The following CELF2 variants were observed in gnomAD, a reference collection of about 807,000 sequenced individuals.
CELF2 encodes the protein CUG triplet repeat RNA-binding protein 2.
A neutral mutation model predicts 62.6 loss-of-function variants in CELF2; 8 were observed. The observed-to-expected ratio is 0.13, with a 90% CI of 0.07 to 0.23. The LOEUF is 0.23. CELF2 is among the 10% of genes least tolerant of loss of function. The pLI, the probability that CELF2 is intolerant of heterozygous loss-of-function variation, is 1.00. For missense variants in CELF2, 333 were observed against 671.0 expected (o/e 0.50, Z 5.56); for synonymous variants, 258 against 250.0 (o/e 1.03, Z -0.30).
At chr10:10,589,182 T>G in the CELF2 span, among the ~76,000 whole-genome samples, 1 of 152,170 alleles carries the variant, frequency 6.6e-6, no homozygotes. Flanking sequence ...ATAAGTAGAT[T>G]CAAAGATTTT....
In CELF2 at chr10:10,828,000, TAAAAAAAA is replaced by T. The variant is rs66721705; in HGVS notation, c.53+29200_53+29207del. Among the ~76,000 whole-genome samples, 58 of 60,716 alleles carry T rather than the reference TAAAAAAAA, an allele frequency of 9.6e-4. No homozygotes were observed. In the East Asian group the frequency reaches 0.027, roughly 28 times the overall value. 39.8% of individuals were successfully genotyped at this position (60,716 alleles called of 152,430 possible). A position where few individuals can be genotyped will look rare whatever the true frequency, so the allele number is the denominator to read the frequency against. On this transcript the variant is annotated intron_variant, in intron 1 of 13. Transcript: ENST00000636488. The stretch of plus-strand genomic sequence containing the variant: ...TCATACCCGTCAGGAAGGCTAGTCT[TAAAAAAAA>T]AAAAAAAAAAAAAAAAGCAGAAAAT...
chr10:11,125,502 C>T (rs1031800746), intron 1 of CELF2, among the ~76,000 whole-genome samples: 1 of 151,844 alleles, frequency 6.6e-6, no homozygotes, highest in Non-Finnish European at 1.5e-5. Flanking sequence ...AGAGCTCAAC[C>T]GTAACAACTA....
Position 10,965,215 on chromosome 10 carries a change from C to T in CELF2, c.89+45216C>T, listed in dbSNP as rs1185840211. Reference sequence around the variant, plus strand: ...GAATATAGCCCTCTCTCTTGAATATCCTATGGTATGGTTTGACAGTAAGTT... The same window carrying T: ...GAATATAGCCCTCTCTCTTGAATATTCTATGGTATGGTTTGACAGTAAGTT... On this transcript the variant is annotated intron_variant, in intron 2 of 13. Coordinates refer to the CELF2 transcript ENST00000636488. 3.9e-5 allele frequency among the ~76,000 whole-genome samples: 6 copies of T among 152,140 alleles called. No individual in the cohort carries two copies. In the East Asian group the frequency reaches 9.6e-4, roughly 24 times the overall value.
At chr10:11,014,985 A>C (rs999478935), upstream of CELF2, among the ~76,000 whole-genome samples, 2 of 152,174 alleles carry the variant, frequency 1.3e-5, no homozygotes, top group African/African-American at 2.4e-5. Context: ...GGGTGGTGTC[A>C]CCAACCGGTT....
chr10:11,281,896 G>A (rs757168408), intron 8 of CELF2, among the ~76,000 whole-genome samples: 13 of 152,278 alleles, frequency 8.5e-5, no homozygotes, highest in Middle Eastern at 3.4e-3. Context: ...GCATTCAGGC[G>A]AGTTGCACAA....
chr10:11,026,806 G>A (rs1442774063), intron 1 of CELF2, among the ~76,000 whole-genome samples: 2 of 152,204 alleles, frequency 1.3e-5, no homozygotes, highest in African/African-American at 4.8e-5. Flanking sequence ...GCCTCGGGAG[G>A]AGAGCAGTAT....
intron 1 of CELF2, among the ~76,000 whole-genome samples, chr10:11,158,880 A>G (rs1057511292): frequency 4.6e-5 from 7 of 152,244 alleles, no homozygotes; most frequent in East Asian, 1.9e-4. Context: ...GTGAATAACA[A>G]TGATGTCCTG....
chr10:11,079,740 A>ACC (rs2073351066), intron 1 of CELF2, among the ~76,000 whole-genome samples: 3 of 78,174 alleles, frequency 3.8e-5, no homozygotes, highest in Non-Finnish European at 4.5e-5. Context: ...GGACTAATAC[A>ACC]GCCCCCCCCC....
intron 9 of CELF2, among the ~76,000 whole-genome samples, chr10:11,299,409 A>G (rs540062330): frequency 2.2e-4 from 34 of 152,226 alleles, no homozygotes; most frequent in African/African-American, 8.2e-4. Flanking sequence ...GCCCAGAGGA[A>G]AATCTGCCTC....
chr10:10,871,626 G>GGGAA (rs1644911785), intron 1 of CELF2, among the ~76,000 whole-genome samples: 2 of 152,020 alleles, frequency 1.3e-5, no homozygotes, highest in South Asian at 4.2e-4. Context: ...AAGAGGAGGA[G>GGGAA]GGAAGGAAGG....
At chr10:10,525,880 T>G in the CELF2 span, among the ~76,000 whole-genome samples, 1 of 152,364 alleles carries the variant, frequency 6.6e-6, no homozygotes, top group Admixed American at 6.5e-5. Flanking sequence ...GCTCTATTTT[T>G]AATTTTTTGA....
At chr10:10,966,339 G>T (rs553433696) in intron 2 of CELF2, among the ~76,000 whole-genome samples, 1 of 152,244 alleles carries the variant, frequency 6.6e-6, no homozygotes. Context: ...GTACAGTGGA[G>T]CTGAAGAGCT....
intron 1 of CELF2, among the ~76,000 whole-genome samples, chr10:11,114,798 AC>A (rs2056166492): frequency 6.6e-6 from 1 of 152,202 alleles, no homozygotes; most frequent in African/African-American, 2.4e-5. Context: ...TTCTACACCC[AC>A]TACAGAAGAT....
At chr10:10,613,205 G>T in the CELF2 span, among the ~76,000 whole-genome samples, 1 of 152,118 alleles carries the variant, frequency 6.6e-6, no homozygotes, top group African/African-American at 2.4e-5. Flanking sequence ...AATTACAAAG[G>T]GAGTTTTTTC....
At chr10:10,796,131 C>T (rs1346876842), upstream of CELF2, among the ~76,000 whole-genome samples, 3 of 152,186 alleles carry the variant, frequency 2.0e-5, no homozygotes, top group African/African-American at 4.8e-5. Context: ...GTGGCGGTTA[C>T]TCGCCAGGTC....
chr10:10,686,735 G>A, the CELF2 span, among the ~76,000 whole-genome samples: 1 of 152,164 alleles, frequency 6.6e-6, no homozygotes, highest in East Asian at 1.9e-4. Flanking sequence ...CCCCAGCCAT[G>A]TGGAACTGTG....
rs1374338922 is a variant in CELF2 at position 11,244,055 on chromosome 10, C to T, written c.355-5098C>T. Among the ~76,000 whole-genome samples the T allele has an allele frequency of 1.3e-5, 2 of 152,212 alleles. No individual in the cohort carries two copies. Among genetic ancestry groups the T allele is most frequent in the East Asian group, 1.9e-4 (1 of 5,190 alleles). On this transcript the variant is annotated intron_variant, in intron 3 of 12. Coordinates refer to ENST00000633077, the MANE Select transcript of CELF2 (RefSeq NM_001326342.2). This position sits in a 1 kb window ranked among gnomAD's most constrained non-coding sequence, Gnocchi z 4.2. Reference sequence around the variant, plus strand: ...GGGACCTGCAGGCATGTGCAGGGCACAGCATGAGATCCTGCCTCCAGCCCC... The same window carrying T: ...GGGACCTGCAGGCATGTGCAGGGCATAGCATGAGATCCTGCCTCCAGCCCC...
In CELF2 at chr10:11,018,006, T is replaced by C; in HGVS notation, c.-84T>C. On this transcript the variant is annotated 5_prime_UTR_variant, in exon 1 of 13. Transcript: ENST00000633077. ...CGCCGGGGGAGGCCGCGCGCACCTGTCCCTGCCCGTCTCGCGCCGCCCGCG... is the reference window on the plus strand; with the variant it reads ...CGCCGGGGGAGGCCGCGCGCACCTGCCCCTGCCCGTCTCGCGCCGCCCGCG... 1.9e-6 allele frequency: 2 copies of C among 1,046,772 alleles called. No homozygotes were observed. Among genetic ancestry groups the C allele is most frequent in the Non-Finnish European group, 2.3e-6 (2 of 874,578 alleles). 64.8% of individuals were successfully genotyped at this position (1,046,772 alleles called of 1,614,324 possible). A position where few individuals can be genotyped will look rare whatever the true frequency, so the allele number is the denominator to read the frequency against.
At chr10:10,492,926 C>T in the CELF2 span, among the ~76,000 whole-genome samples, 2 of 152,138 alleles carry the variant, frequency 1.3e-5, no homozygotes, top group Admixed American at 1.3e-4. Context: ...TTCTCATTCT[C>T]TCTCTTGCCT....
Sources: allele counts gnomAD v4.1 joint callset (sites outside exome capture counted in the v4.1 genomes callset), GRCh38; gene constraint gnomAD v4.1.1; non-coding constraint Gnocchi (gnomAD v3.1); transcripts MANE v1.5; gene names NCBI Gene and HGNC (gene_info 2026-07-23, HGNC 2026-07-21).